The following EVL variants were observed in gnomAD, a reference collection of about 807,000 sequenced individuals.
EVL encodes Enah/Vasp-like, also known as ena/VASP-like protein.
EVL carries 21 observed loss-of-function variants against 59.6 expected under a neutral mutation model. The ratio of observed to expected loss-of-function variants is 0.35; its 90% CI spans 0.25 to 0.51. The LOEUF (loss-of-function observed/expected upper bound fraction) is 0.51. EVL is among the 20% of genes least tolerant of loss of function. EVL has a pLI of 0.97. For missense variants in EVL, 462 were observed against 546.6 expected, an observed-to-expected ratio of 0.85 and a Z score of 1.54; for synonymous variants, 198 against 203.5, an observed-to-expected ratio of 0.97 and a Z score of 0.23.
chr14:99,985,637 C>T (rs929212365), intron 1 of EVL, among the ~76,000 whole-genome samples: 3 of 152,044 alleles, frequency 2.0e-5, no homozygotes, highest in Non-Finnish European at 4.4e-5. Context: ...TGTGGTGGTG[C>T]ATGCCTGTAA....
chr14:100,137,893 A>C, intron 11 of EVL, 91 bp downstream of exon 11: 68 of 1,295,480 alleles, frequency 5.2e-5, no homozygotes, highest in Non-Finnish European at 7.2e-5. Flanking sequence ...ACGCTGTCTC[A>C]CGTCCTGGCA....
rs566188050 is a variant in EVL at position 99,995,094 on chromosome 14, C to T, written c.5+23037C>T. ...TTCAGGATTCTCTTTTTGTCTGTGA[C>T]TTTTGGCAGTTTGGTTATTACGTGT... On this transcript the variant is annotated intron_variant, in intron 1 of 13. Coordinates refer to the EVL transcript ENST00000402714. Among the ~76,000 whole-genome samples, 3 of 152,250 alleles carry T rather than the reference C, an allele frequency of 2.0e-5. No individual in the cohort carries two copies. The South Asian group carries it at 6.2e-4, about 32-fold the overall frequency.
At chr14:100,086,421 C>G (rs1281046642) in intron 2 of EVL, among the ~76,000 whole-genome samples, 4 of 152,236 alleles carry the variant, frequency 2.6e-5, no homozygotes, top group Non-Finnish European at 4.4e-5. Flanking sequence ...GTCTTTGACA[C>G]AAGGTCCACC....
chr14:100,137,761 C>T lies in EVL; in HGVS notation c.1053C>T (p.Ser351=). The change falls in exon 11 of 14, where the codon AGC becomes AGT. Residue 351 remains serine (S), a synonymous_variant. Transcript: ENST00000392920. Reference sequence around the variant, plus strand: ...GTAGAACCCCGTCTGTGGCAAAGAGCCCCGAAGCTAAGAGCCCCCTTCAGT... The same window carrying T: ...GTAGAACCCCGTCTGTGGCAAAGAGTCCCGAAGCTAAGAGCCCCCTTCAGT... ...ILSRTPSVAK[S]PEAKSPLQSQ... The T allele has an allele frequency of 6.2e-7, 1 of 1,614,072 alleles. No individual in the cohort carries two copies. The highest frequency in any genetic ancestry group is 8.5e-7 in the Non-Finnish European group (1 of 1,180,016).
intron 13 of EVL, among the ~76,000 whole-genome samples, chr14:100,143,317 GGGCCCCCGGCACCT>G (rs1566736829): frequency 6.6e-6 from 1 of 151,944 alleles, no homozygotes; most frequent in African/African-American, 2.4e-5. Context: ...AAGGGCTCCC[GGGCCCCCGGCACCT>G]GGACACCCAC....
chr14:100,003,253 C>T (rs1413977991), intron 1 of EVL, among the ~76,000 whole-genome samples: 1 of 152,134 alleles, frequency 6.6e-6, no homozygotes, highest in African/African-American at 2.4e-5. Context: ...CCTTCCAGGC[C>T]TGAAGATGAG....
At chr14:100,115,045 C>CAA (rs35310865) in intron 3 of EVL, among the ~76,000 whole-genome samples, 28 of 148,880 alleles carry the variant, frequency 1.9e-4, no homozygotes, top group African/African-American at 6.9e-4. Flanking sequence ...AGATTAGTCA[C>CAA]AAAAAAAAAA....
At position 100,127,740 on chromosome 14, in the gene EVL, C is replaced by A. The variant is rs565664485; in HGVS notation, c.488-779C>A. On this transcript the variant is annotated intron_variant, in intron 5 of 13. Transcript: ENST00000392920. The surrounding 1 kb of genome is among the most constrained non-coding windows in gnomAD (Gnocchi z 4.2). The stretch of plus-strand genomic sequence containing the variant: ...ACTTCCGTGAGGACGTCATGGAGGA[C>A]GTCCGTCTTCCATGAACTTCTGGCC... 1.5e-4 allele frequency among the ~76,000 whole-genome samples: 23 copies of A among 152,316 alleles called. No homozygotes were observed. The highest frequency in any genetic ancestry group is 4.3e-4 in the African/African-American group (18 of 41,558).
chr14:100,037,716 C>T (rs1336497628), intron 1 of EVL, among the ~76,000 whole-genome samples: 2 of 152,192 alleles, frequency 1.3e-5, no homozygotes, highest in African/African-American at 2.4e-5. Flanking sequence ...ATTTACCTTT[C>T]GCTTCCCCAG....
At chr14:100,049,193 T>C (rs529952513) in intron 1 of EVL, among the ~76,000 whole-genome samples, 2 of 152,368 alleles carry the variant, frequency 1.3e-5, no homozygotes, top group South Asian at 4.1e-4. Context: ...CTAGCTAATG[T>C]GTCCTATTTT....
At chr14:100,077,993 C>T (rs893895755) in intron 1 of EVL, among the ~76,000 whole-genome samples, 3 of 152,094 alleles carry the variant, frequency 2.0e-5, no homozygotes, top group Non-Finnish European at 2.9e-5. Context: ...CCAGGATGGT[C>T]TCGATCTCCT....
In EVL at chr14:100,143,855, G is replaced by A; in HGVS notation, c.*117G>A. On this transcript the variant is annotated 3_prime_UTR_variant, in exon 14 of 14. Transcript: ENST00000392920. ...GCACGCACAGGAGCCTGGGCGCGCT[G>A]CTGTGAAACGTCCTGACCTGTGATC... The A allele has an allele frequency of 5.6e-6, 7 of 1,240,272 alleles. No individual in the cohort carries two copies. In the South Asian group the frequency reaches 6.9e-5, roughly 12 times the overall value. The allele number at this position is 1,240,272 out of a possible 1,614,324, so 76.8% of individuals were successfully genotyped here.
At chr14:99,977,489 C>G (rs1179247274) in intron 1 of EVL, 1 of 152,238 alleles carries the variant, frequency 6.6e-6, no homozygotes, top group Non-Finnish European at 1.5e-5. Flanking sequence ...ACCTCCATCT[C>G]CCAGGTTCAA....
intron 1 of EVL, among the ~76,000 whole-genome samples, chr14:100,034,659 G>A (rs987691848): frequency 1.3e-5 from 2 of 151,914 alleles, no homozygotes; most frequent in African/African-American, 4.8e-5. Flanking sequence ...GATCATGTGA[G>A]CCCAGAAATT....
intron 1 of EVL, among the ~76,000 whole-genome samples, chr14:100,008,360 AT>A (rs2060996512): frequency 6.6e-6 from 1 of 152,182 alleles, no homozygotes; most frequent in Non-Finnish European, 1.5e-5. Flanking sequence ...TCTGACTGTG[AT>A]TGTGTGACCC....
At chr14:100,115,794 A>C (rs944836253) in intron 3 of EVL, among the ~76,000 whole-genome samples, 3 of 152,254 alleles carry the variant, frequency 2.0e-5, no homozygotes, top group African/African-American at 7.2e-5. Context: ...GGGTTCCTTT[A>C]AGCAAGCAAC....
intron 1 of EVL, among the ~76,000 whole-genome samples, chr14:100,059,842 C>G (rs187114842): frequency 1.3e-5 from 2 of 152,306 alleles, no homozygotes; most frequent in East Asian, 3.9e-4. Context: ...AGTAATTTCC[C>G]TGACTACCAG....
At chr14:100,006,024 A>T in intron 1 of EVL, among the ~76,000 whole-genome samples, 1 of 49,204 alleles carries the variant, frequency 2.0e-5, no homozygotes, top group African/African-American at 6.9e-5. Flanking sequence ...CCCCCCCCCC[A>T]CACCGACAAC....
intron 3 of EVL, chr14:100,106,963 G>C (rs967852092): frequency 5.0e-6 from 2 of 398,692 alleles, no homozygotes; most frequent in Non-Finnish European, 4.4e-6. Context: ...GGTGGGAGCA[G>C]CTTGGTCTAG....
Sources: allele counts gnomAD v4.1 joint callset (sites outside exome capture counted in the v4.1 genomes callset), GRCh38; gene constraint gnomAD v4.1.1; non-coding constraint Gnocchi (gnomAD v3.1); transcripts MANE v1.5; gene names NCBI Gene and HGNC (gene_info 2026-07-23, HGNC 2026-07-21).